DISP3: variants seen among roughly 807,000 people sequenced by gnomAD.
DISP3 encodes the protein protein dispatched homolog 3.
Under a neutral mutation model 135.3 loss-of-function variants are expected in DISP3, and 101 were observed. The ratio of observed to expected loss-of-function variants is 0.75; its 90% CI spans 0.64 to 0.88. The LOEUF (loss-of-function observed/expected upper bound fraction) is 0.88, where lower values mean the gene tolerates loss of function less well. DISP3 is among the 40% of genes least tolerant of loss of function. The probability of loss-of-function intolerance (pLI) is 0.00; values close to 1 mark genes in which losing one functional copy is unlikely to be tolerated. For synonymous variants in DISP3, 856 were observed against 817.0 expected (o/e 1.05, Z -0.81); for missense variants, 1,713 against 1,878.6 (o/e 0.91, Z 1.63).
intron 1 of DISP3, among the ~76,000 whole-genome samples, chr1:11,488,610 T>C (rs1417203678): frequency 6.6e-6 from 1 of 151,650 alleles, no homozygotes; most frequent in Non-Finnish European, 1.5e-5. Context: ...ACCTAAGCTG[T>C]GACCAGAACG....
In DISP3 at chr1:11,501,817, C is replaced by T. The variant is rs1376102818; in HGVS notation, c.825C>T (p.Ile275=). Residue 275 remains isoleucine, a synonymous_variant, in exon 2 of 21, where the codon ATC becomes ATT. Coordinates refer to ENST00000294484, the MANE Select transcript of DISP3 (RefSeq NM_020780.2). The surrounding 1 kb of genome is among the most constrained non-coding windows in gnomAD (Gnocchi z 4.9). The stretch of plus-strand genomic sequence containing the variant: ...CTCAGACGCACGCGCACTGGCGCAT[C>T]GAGCTCATCTTCCTGGCGCGCGGCG... ...ANTQTHAHWR[I]ELIFLARGDA... is the part of the protein sequence containing the mutation. 2.5e-6 allele frequency: 4 copies of T among 1,609,734 alleles called. No homozygotes were observed. Among genetic ancestry groups the T allele is most frequent in the Admixed American group, 1.7e-5 (1 of 59,750 alleles).
In DISP3 at chr1:11,499,365, G is replaced by A. The variant is rs1433810197; in HGVS notation, c.-3-1625G>A. The stretch of plus-strand genomic sequence containing the variant: ...CTTTCTTCTTCTAAGGCCAAGAATC[G>A]GGCAGAGGCTCCCACACTCACCTCC... On this transcript the variant is annotated intron_variant, in intron 1 of 20. Transcript: ENST00000294484. The surrounding 1 kb of genome is among the most constrained non-coding windows in gnomAD (Gnocchi z 5.2). Among the ~76,000 whole-genome samples the A allele has an allele frequency of 6.6e-6, 1 of 152,006 alleles. No homozygotes were observed. Among genetic ancestry groups the A allele is most frequent in the Non-Finnish European group, 1.5e-5 (1 of 68,012 alleles).
At chr1:11,506,403 A>C (rs1641707009) in intron 3 of DISP3, among the ~76,000 whole-genome samples, 1 of 151,508 alleles carries the variant, frequency 6.6e-6, no homozygotes, top group South Asian at 2.1e-4. Flanking sequence ...TGAGCCCCAT[A>C]TGTTTTCAAT....
chr1:11,509,381 A>T (rs1641792423), intron 3 of DISP3, among the ~76,000 whole-genome samples: 1 of 152,012 alleles, frequency 6.6e-6, no homozygotes, highest in South Asian at 2.1e-4. Context: ...TTTGCATGAA[A>T]TGTTCTATAA....
At chr1:11,527,178 A>T (rs1642444909) in intron 13 of DISP3, among the ~76,000 whole-genome samples, 1 of 151,738 alleles carries the variant, frequency 6.6e-6, no homozygotes, top group South Asian at 2.1e-4. Flanking sequence ...CAGGTGATTC[A>T]CCTGCCTTGG....
intron 2 of DISP3, 21 bp from the exon 3 acceptor site, chr1:11,502,657 C>T (rs754843092): frequency 4.4e-6 from 7 of 1,605,488 alleles, no homozygotes; most frequent in South Asian, 1.1e-5. Flanking sequence ...ACTCTTGGGG[C>T]CCCCACCCCT....
intron 3 of DISP3, among the ~76,000 whole-genome samples, chr1:11,506,802 G>A (rs1019840618): frequency 4.6e-5 from 7 of 152,046 alleles, no homozygotes; most frequent in African/African-American, 1.7e-4. Flanking sequence ...TAATTTTTAT[G>A]TTTTTATTTT....
rs919865194 is a variant in DISP3 at position 11,529,895 on chromosome 1, T to C, written c.3038T>C (p.Val1013Ala). 1.2e-6 allele frequency: 2 copies of C among 1,614,028 alleles called. No individual in the cohort carries two copies. Among genetic ancestry groups the C allele is most frequent in the Admixed American group, 1.7e-5 (1 of 60,022 alleles). Residue 1013 changes from valine to alanine, a missense_variant, in exon 15 of 21, where the codon GTG (valine) becomes GCG (alanine). This residue lies in a region of DISP3 where 1,142 missense variants were observed against 1,384.6 expected (regional missense o/e 0.82). Coordinates refer to ENST00000294484, the MANE Select transcript of DISP3 (RefSeq NM_020780.2). The surrounding 1 kb of genome is among the most constrained non-coding windows in gnomAD (Gnocchi z 4.7). The part of the protein sequence containing the change: ...PLVDTGAMVF[V>A]VFGIIGVNRT... ...GTGGATACCGGGGCCATGGTCTTTG[T>C]GGTCTTCGGCATTATTGGCGTCAAC...
chr1:11,512,925 G>A (rs757742903), intron 3 of DISP3, among the ~76,000 whole-genome samples: 39 of 152,026 alleles, frequency 2.6e-4, no homozygotes, highest in African/African-American at 8.9e-4. Flanking sequence ...AAGCAAAAGC[G>A]GAAACCCCAG....
rs1642729227 is a variant in DISP3 at position 11,537,090 on chromosome 1, A to G, written c.*404A>G. ...CCGATGTGAAAACTGAGGCGCCAGG[A>G]CACAGTGGCTGCCCTGTCGCTGGAT... On this transcript the variant is annotated 3_prime_UTR_variant, in exon 21 of 21. Transcript: ENST00000294484. 2 of 179,776 alleles carry G rather than the reference A, an allele frequency of 1.1e-5. No homozygotes were observed. Among genetic ancestry groups the G allele is most frequent in the Admixed American group, 1.1e-4 (2 of 17,756 alleles). 11.1% of individuals were successfully genotyped at this position (179,776 alleles called of 1,614,324 possible). A position where few individuals can be genotyped will look rare whatever the true frequency, so the allele number is the denominator to read the frequency against.
chr1:11,528,792 A>G (rs993105035), intron 13 of DISP3, among the ~76,000 whole-genome samples: 2 of 152,178 alleles, frequency 1.3e-5, no homozygotes, highest in African/African-American at 4.8e-5. Flanking sequence ...GGGCTCAGTG[A>G]CACATGGAGA....
At chr1:11,492,092 A>G (rs1377871480) in intron 1 of DISP3, among the ~76,000 whole-genome samples, 2 of 134,032 alleles carry the variant, frequency 1.5e-5, no homozygotes, top group East Asian at 2.5e-4. Context: ...ACTGCACTCC[A>G]GCCTGGGCGA....
chr1:11,528,978 G>A (rs1021331004), intron 13 of DISP3, among the ~76,000 whole-genome samples: 1 of 152,204 alleles, frequency 6.6e-6, no homozygotes, highest in Non-Finnish European at 1.5e-5. Context: ...GTCCTCCCCT[G>A]AGCCCCAGGC....
chr1:11,529,859 T>C lies in DISP3; in HGVS notation c.3002T>C (p.Val1001Ala), dbSNP rs1642529509. ...CVNTGCGKPA[V>A]RPLVDTGAMV... ...AACACGGGCTGCGGGAAGCCGGCGG[T>C]GCGGCCACTAGTGGATACCGGGGCC... The change falls in exon 15 of 21, where the codon GTG (valine) becomes GCG (alanine). Residue 1001 changes from valine to alanine, a missense_variant. Coordinates refer to ENST00000294484, the MANE Select transcript of DISP3 (RefSeq NM_020780.2). The surrounding 1 kb of genome is among the most constrained non-coding windows in gnomAD (Gnocchi z 4.7). The C allele has an allele frequency of 6.2e-7, 1 of 1,613,882 alleles. No homozygotes were observed. The highest frequency in any genetic ancestry group is 1.7e-5 in the Admixed American group (1 of 60,004).
intron 3 of DISP3, among the ~76,000 whole-genome samples, chr1:11,511,848 G>A (rs574781327): frequency 6.6e-6 from 1 of 152,290 alleles, no homozygotes; most frequent in South Asian, 2.1e-4. Flanking sequence ...GCATTCAGAC[G>A]TTTCCATATA....
In DISP3 at chr1:11,520,011, C is replaced by T. The variant is rs1570123226; in HGVS notation, c.2200+131C>T. ...TGGGCTGGGGTCTCTCCCTCTCTGA[C>T]CCCCCCTCTTTCCTGTGCAGAATGA... is the stretch of plus-strand genomic sequence containing the variant. On this transcript the variant is annotated intron_variant, in intron 9 of 20. Coordinates refer to ENST00000294484, the MANE Select transcript of DISP3 (RefSeq NM_020780.2). This position sits in a 1 kb window ranked among gnomAD's most constrained non-coding sequence, Gnocchi z 4.8. 1.2e-6 allele frequency: 1 copy of T among 842,822 alleles called. No individual in the cohort carries two copies. The allele number at this position is 842,822 out of a possible 1,614,324, so 52.2% of individuals were successfully genotyped here.
intron 4 of DISP3, 127 bp from the exon 5 acceptor site, chr1:11,515,242 C>CA: frequency 7.5e-7 from 1 of 1,334,150 alleles, no homozygotes; most frequent in Non-Finnish European, 1.0e-6. Flanking sequence ...GTGCTGGGAA[C>CA]AGAGTGGTGA....
rs369168888 is a variant in DISP3 at position 11,479,675 on chromosome 1, C to G, written c.-4+303C>G. Among the ~76,000 whole-genome samples, 268 of 152,330 alleles carry G rather than the reference C, an allele frequency of 1.8e-3. 1 individual carries two copies. The highest frequency in any genetic ancestry group is 6.3e-3 in the African/African-American group (260 of 41,586). The stretch of plus-strand genomic sequence containing the variant: ...GAGTTGGATGTTGGATGTCCAGGAA[C>G]GGCAAGGCTTCCGACCTCTGGCCCC... On this transcript the variant is annotated intron_variant, in intron 1 of 20. Coordinates refer to ENST00000294484, the MANE Select transcript of DISP3 (RefSeq NM_020780.2).
chr1:11,523,968 C>T lies in DISP3; in HGVS notation c.2389C>T (p.Leu797=), dbSNP rs893187936. 11 of 1,612,996 alleles carry T rather than the reference C, an allele frequency of 6.8e-6. No homozygotes were observed. Among genetic ancestry groups the T allele is most frequent in the Middle Eastern group, 1.7e-4 (1 of 5,954 alleles). ...SGLFQEKPHS[L]QNNIRTSLEK... Reference sequence around the variant, plus strand: ...TCTGTTCCAGGAGAAGCCCCACAGCCTGCAGAACAACATCCGGACGTCCCT... The same window carrying T: ...TCTGTTCCAGGAGAAGCCCCACAGCTTGCAGAACAACATCCGGACGTCCCT... The change falls in exon 11 of 21, where the codon CTG becomes TTG. Residue 797 remains leucine, a synonymous_variant. Coordinates refer to ENST00000294484, the MANE Select transcript of DISP3 (RefSeq NM_020780.2).
Sources: gnomAD v4.1 joint callset for allele counts (sites outside exome capture counted in the v4.1 genomes callset) on GRCh38, gnomAD v4.1.1 for gene constraint, gnomAD v4.1.1 regional missense constraint, Gnocchi (gnomAD v3.1) non-coding constraint, MANE v1.5 for transcripts, NCBI Gene and HGNC (gene_info 2026-07-23, HGNC 2026-07-21) for gene names.